Variants in MAP2 observed in about 807,000 individuals in gnomAD.
MAP2 encodes the protein microtubule associated protein 2.
In MAP2, 14 loss-of-function variants were observed where a neutral mutation model predicts 137.6. The ratio of observed to expected loss-of-function variants is 0.10; its 90% CI spans 0.07 to 0.16. The LOEUF (loss-of-function observed/expected upper bound fraction) is 0.16, where lower values mean the gene tolerates loss of function less well. Ranked by LOEUF, MAP2 falls within the 10% of genes least tolerant of loss-of-function variation. MAP2 has a pLI of 1.00. For missense variants in MAP2, 2,088 were observed against 2,191.5 expected, an observed-to-expected ratio of 0.95 and a Z score of 0.94; for synonymous variants, 786 against 782.3, an observed-to-expected ratio of 1.00 and a Z score of -0.08.
chr2:209,664,962 C>CAAAAAAAAA (rs67286716), intron 5 of MAP2, among the ~76,000 whole-genome samples: 8 of 51,728 alleles, frequency 1.5e-4, no homozygotes, highest in Non-Finnish European at 2.4e-4. Context: ...AACTCCGTCT[C>CAAAAAAAAA]AAAAAAAAAA....
chr2:209,573,378 C>T (rs2074763569), intron 2 of MAP2, among the ~76,000 whole-genome samples: 1 of 148,558 alleles, frequency 6.7e-6, no homozygotes, highest in African/African-American at 2.5e-5. Flanking sequence ...ACCACAACCT[C>T]CGCCTCCTGG....
At position 209,436,007 on chromosome 2, in the gene MAP2, A is replaced by G. The variant is rs62213410; in HGVS notation, c.-222+11731A>G. ...AGTATATATTATATACTATATATAC[A>G]GTATATATTATATATAAAATATATA... On this transcript the variant is annotated intron_variant, in intron 1 of 15. Transcript: ENST00000682079. Among the ~76,000 whole-genome samples, 5 of 81,760 alleles carry G rather than the reference A, an allele frequency of 6.1e-5. 1 individual carries two copies. Among genetic ancestry groups the G allele is most frequent in the East Asian group, 2.1e-4 (1 of 4,672 alleles). The allele number at this position is 81,760 out of a possible 152,430, so 53.6% of individuals were successfully genotyped here.
At chr2:209,537,954 A>G (rs112007644) in intron 2 of MAP2, among the ~76,000 whole-genome samples, 1,577 of 152,332 alleles carry the variant, frequency 0.01, 29 homozygotes, top group African/African-American at 0.036. Flanking sequence ...GCATGTGACT[A>G]TTGCTGATCT....
chr2:209,620,550 A>G (rs1192412940), intron 3 of MAP2, among the ~76,000 whole-genome samples: 2 of 152,234 alleles, frequency 1.3e-5, no homozygotes, highest in Non-Finnish European at 2.9e-5. Context: ...CCTTTGGGAC[A>G]CCATGACTTC....
At chr2:209,510,546 C>T (rs545438588) in intron 2 of MAP2, among the ~76,000 whole-genome samples, 1 of 152,008 alleles carries the variant, frequency 6.6e-6, no homozygotes, top group African/African-American at 2.4e-5. Flanking sequence ...AATTATATAC[C>T]AATATACACT....
chr2:209,449,709 A>C (rs1699900080), intron 1 of MAP2, among the ~76,000 whole-genome samples: 2 of 152,172 alleles, frequency 1.3e-5, no homozygotes, highest in Admixed American at 6.6e-5. Flanking sequence ...TTGGATATAA[A>C]GCTATATTGC....
chr2:209,681,823 C>T (rs558560954), intron 7 of MAP2, among the ~76,000 whole-genome samples: 7 of 151,934 alleles, frequency 4.6e-5, no homozygotes, highest in East Asian at 3.9e-4. Context: ...TCTTTGATTT[C>T]GTAAATACAA....
intron 4 of MAP2, among the ~76,000 whole-genome samples, chr2:209,650,467 T>G (rs1030334393): frequency 6.6e-6 from 1 of 152,082 alleles, no homozygotes; most frequent in Admixed American, 6.5e-5. Context: ...AAACTAATCA[T>G]TACAAAAAAC....
intron 2 of MAP2, among the ~76,000 whole-genome samples, chr2:209,543,971 T>G (rs2067515150): frequency 6.6e-6 from 1 of 152,240 alleles, no homozygotes; most frequent in Non-Finnish European, 1.5e-5. Context: ...GGCTCACGCC[T>G]GTAATCCCAG....
chr2:209,723,180 G>C (rs532645076), intron 13 of MAP2, among the ~76,000 whole-genome samples: 17 of 152,286 alleles, frequency 1.1e-4, no homozygotes, highest in African/African-American at 3.9e-4. Context: ...GACTCTGATG[G>C]GGCGAGGGAA....
At chr2:209,435,272 T>TA (rs35822697) in intron 1 of MAP2, among the ~76,000 whole-genome samples, 31,114 of 148,054 alleles carry the variant, frequency 0.21, 3,846 homozygotes, top group South Asian at 0.3. Context: ...ATATTAATGG[T>TA]AAAAAAAAAA....
chr2:209,686,769 T>G (rs1023602448), intron 7 of MAP2, among the ~76,000 whole-genome samples: 1 of 152,116 alleles, frequency 6.6e-6, no homozygotes, highest in African/African-American at 2.4e-5. Context: ...AGTAGTTACT[T>G]TAGCATTTCA....
intron 1 of MAP2, among the ~76,000 whole-genome samples, chr2:209,447,058 T>G (rs1699242937): frequency 6.6e-6 from 1 of 151,986 alleles, no homozygotes. Context: ...GATTTTTCTT[T>G]CTGGAGCTAA....
intron 4 of MAP2, among the ~76,000 whole-genome samples, chr2:209,637,994 G>T (rs2093704082): frequency 6.6e-6 from 1 of 151,958 alleles, no homozygotes; most frequent in East Asian, 1.9e-4. Context: ...CATCTATTAA[G>T]ACTTTTCCAA....
intron 2 of MAP2, among the ~76,000 whole-genome samples, chr2:209,565,472 G>C (rs767216249): frequency 1.3e-5 from 2 of 151,732 alleles, no homozygotes; most frequent in Admixed American, 1.3e-4. Context: ...CTCCCACTTC[G>C]GTCTCCCAAA....
chr2:209,674,283 A>T lies in MAP2; in HGVS notation c.263-4289A>T, dbSNP rs191973219. On this transcript the variant is annotated intron_variant, in intron 5 of 15. Transcript: ENST00000682079. ...TAAAGTAGAAGACTCAGAAAAATACATGACTAGGGGAAAATAAAGATGTGC... is the reference window on the plus strand; with the variant it reads ...TAAAGTAGAAGACTCAGAAAAATACTTGACTAGGGGAAAATAAAGATGTGC... Among the ~76,000 whole-genome samples the T allele has an allele frequency of 1.8e-3, 275 of 151,914 alleles. 1 individual carries two copies. Among genetic ancestry groups the T allele is most frequent in the African/African-American group, 6.2e-3 (259 of 41,516 alleles).
intron 13 of MAP2, among the ~76,000 whole-genome samples, chr2:209,722,955 T>C (rs933835424): frequency 5.9e-5 from 9 of 152,284 alleles, no homozygotes; most frequent in Admixed American, 1.3e-4. Flanking sequence ...TCTTGAGCAA[T>C]TGCCAGAAAG....
At chr2:209,724,881 T>C (rs542102075) in intron 13 of MAP2, among the ~76,000 whole-genome samples, 17 of 152,348 alleles carry the variant, frequency 1.1e-4, no homozygotes, top group African/African-American at 4.1e-4. Flanking sequence ...AGCTATCCTT[T>C]ACACAAGTGC....
In MAP2 at chr2:209,729,785, A is replaced by T. The variant is rs150948383; in HGVS notation, c.5156-65A>T. ...TTGCCGTAGTCTATCTACTGCAGTC[A>T]TTTTTGGGAAATAGTTACCACGAAT... On this transcript the variant is annotated intron_variant, in intron 14 of 15. Coordinates refer to ENST00000682079, the MANE Select transcript of MAP2 (RefSeq NM_001375505.1). 1.7e-4 allele frequency: 182 copies of T among 1,086,756 alleles called. No homozygotes were observed. The East Asian group carries it at 3.1e-3, about 18-fold the overall frequency. The allele number at this position is 1,086,756 out of a possible 1,614,324, so 67.3% of individuals were successfully genotyped here. A position where few individuals can be genotyped will look rare whatever the true frequency, so the allele number is the denominator to read the frequency against.
Sources: gnomAD v4.1 joint callset for allele counts (sites outside exome capture counted in the v4.1 genomes callset) on GRCh38, gnomAD v4.1.1 for gene constraint, MANE v1.5 for transcripts, NCBI Gene and HGNC (gene_info 2026-07-23, HGNC 2026-07-21) for gene names.